The following OPA1 variants were observed in gnomAD, a reference collection of about 807,000 sequenced individuals.
OPA1 encodes the protein dynamin-like GTPase OPA1, mitochondrial.
Under a neutral mutation model 152.9 loss-of-function variants are expected in OPA1, and 59 were observed. The observed-to-expected ratio is 0.39, with a 90% CI of 0.31 to 0.48. The LOEUF (loss-of-function observed/expected upper bound fraction) is 0.48, where lower values mean the gene tolerates loss of function less well. Ranked by LOEUF, OPA1 falls within the 20% of genes least tolerant of loss-of-function variation. The pLI is 0.96. For synonymous variants in OPA1, 400 were observed against 389.9 expected, an observed-to-expected ratio of 1.03 and a Z score of -0.31; for missense variants, 1,008 against 1,216.8, an observed-to-expected ratio of 0.83 and a Z score of 2.55.
chr3:193,662,113 A>G (rs548898893), intron 25 of OPA1, among the ~76,000 whole-genome samples: 30 of 152,130 alleles, frequency 2.0e-4, no homozygotes, highest in Non-Finnish European at 4.0e-4. Flanking sequence ...TCTATCATAT[A>G]CAATTTTGAG....
At chr3:193,685,548 T>A (rs767663458) in intron 29 of OPA1, among the ~76,000 whole-genome samples, 11 of 152,194 alleles carry the variant, frequency 7.2e-5, no homozygotes, top group Non-Finnish European at 1.2e-4. Context: ...CAAGCAGTGC[T>A]ATGCTGGGCC....
chr3:193,696,121 A>G lies in OPA1; in HGVS notation c.*1521A>G, dbSNP rs1031048482. On this transcript the variant is annotated 3_prime_UTR_variant, in exon 31 of 31. Transcript: ENST00000361510. ...TATACACAGATTAGGAGATGACCTTACTGGGTACACCCCTCTAACCAGTGC... is the reference window on the plus strand; with the variant it reads ...TATACACAGATTAGGAGATGACCTTGCTGGGTACACCCCTCTAACCAGTGC... The G allele has an allele frequency of 1.3e-5, 2 of 152,238 alleles. No individual in the cohort carries two copies. The highest frequency in any genetic ancestry group is 4.8e-5 in the African/African-American group (2 of 41,460). 9.4% of individuals were successfully genotyped at this position (152,238 alleles called of 1,614,324 possible).
chr3:193,690,587 T>G (rs2109451666), intron 29 of OPA1, among the ~76,000 whole-genome samples: 1 of 152,246 alleles, frequency 6.6e-6, no homozygotes, highest in South Asian at 2.1e-4. Context: ...GTGGTAGGCT[T>G]TTTTGAGTTC....
chr3:193,690,659 T>C (rs1453756458), intron 29 of OPA1, among the ~76,000 whole-genome samples: 1 of 152,216 alleles, frequency 6.6e-6, no homozygotes, highest in Non-Finnish European at 1.5e-5. Context: ...TACTCATCAC[T>C]AATAGCTGCC....
intron 25 of OPA1, among the ~76,000 whole-genome samples, chr3:193,662,194 AGG>A (rs1280079527): frequency 3.3e-5 from 5 of 152,216 alleles, no homozygotes; most frequent in Non-Finnish European, 5.9e-5. Flanking sequence ...TAACTAGTGT[AGG>A]TAAGTTTTCC....
chr3:193,677,951 A>G (rs996610446), intron 29 of OPA1, among the ~76,000 whole-genome samples: 2 of 152,226 alleles, frequency 1.3e-5, no homozygotes, highest in African/African-American at 2.4e-5. Context: ...GTGAATTCTC[A>G]TATCCTGTAA....
intron 25 of OPA1, among the ~76,000 whole-genome samples, chr3:193,662,129 G>T (rs1287301721): frequency 1.3e-5 from 2 of 152,024 alleles, no homozygotes; most frequent in Admixed American, 6.6e-5. Context: ...TTGAGTGGAG[G>T]TTTGAAAAAT....
intron 1 of OPA1, among the ~76,000 whole-genome samples, chr3:193,596,356 C>CTTAA (rs1560301509): frequency 2.4e-4 from 33 of 135,202 alleles, no homozygotes; most frequent in African/African-American, 8.1e-4. Context: ...CTTTTCTTTT[C>CTTAA]TTTTCTTAAT....
At chr3:193,658,364 A>C (rs1250378128) in intron 23 of OPA1, among the ~76,000 whole-genome samples, 1 of 152,192 alleles carries the variant, frequency 6.6e-6, no homozygotes, top group Non-Finnish European at 1.5e-5. Flanking sequence ...AAAATTTGGA[A>C]GCCAATTTTC....
chr3:193,600,821 A>G (rs1351371927), intron 1 of OPA1, among the ~76,000 whole-genome samples: 2 of 152,240 alleles, frequency 1.3e-5, no homozygotes, highest in Non-Finnish European at 2.9e-5. Flanking sequence ...CTGCAAACCA[A>G]CTGTTAGTTG....
In OPA1 at chr3:193,664,896, A is replaced by G; in HGVS notation, c.2678A>G (p.His893Arg). ...TCATTTTAGATTAAGGATACTTGGCATCAAGTTTATAGAAGACATTTTTTA... is the reference window on the plus strand; with the variant it reads ...TCATTTTAGATTAAGGATACTTGGCGTCAAGTTTATAGAAGACATTTTTTA... ...VDPSLIKDTW[H>R]QVYRRHFLKT... The change falls in exon 27 of 31, where the codon CAT becomes CGT. Residue 893 changes from histidine (H) to arginine (R), a missense_variant. His to Arg is a conservative substitution (Grantham distance 29). Transcript: ENST00000361510. 6.3e-7 allele frequency: 1 copy of G among 1,584,062 alleles called. No homozygotes were observed. Among genetic ancestry groups the G allele is most frequent in the Non-Finnish European group, 8.7e-7 (1 of 1,153,258 alleles).
chr3:193,659,186 AC>A (rs2109189285), intron 24 of OPA1, among the ~76,000 whole-genome samples, 191 bp downstream of exon 24: 1 of 152,382 alleles, frequency 6.6e-6, no homozygotes, highest in South Asian at 2.1e-4. Flanking sequence ...TAAAATGGAC[AC>A]ATGATGCTTA....
At chr3:193,675,856 C>G (rs1718886321) in intron 29 of OPA1, among the ~76,000 whole-genome samples, 1 of 152,216 alleles carries the variant, frequency 6.6e-6, no homozygotes, top group South Asian at 2.1e-4. Flanking sequence ...TCTTGTAATA[C>G]AGACTGTTCA....
At chr3:193,639,938 A>G (rs1733506595) in intron 11 of OPA1, among the ~76,000 whole-genome samples, 1 of 152,122 alleles carries the variant, frequency 6.6e-6, no homozygotes, top group Non-Finnish European at 1.5e-5. Flanking sequence ...ATGGGGAGAG[A>G]GAGAGAGAGT....
At chr3:193,677,145 A>T (rs530722928) in intron 29 of OPA1, among the ~76,000 whole-genome samples, 2 of 152,146 alleles carry the variant, frequency 1.3e-5, no homozygotes, top group South Asian at 4.1e-4. Flanking sequence ...TAACTGATTA[A>T]GAATAAAGAC....
intron 4 of OPA1, among the ~76,000 whole-genome samples, 156 bp from the exon 5 acceptor site, chr3:193,617,628 T>G (rs1158357798): frequency 6.6e-6 from 1 of 152,242 alleles, no homozygotes; most frequent in Non-Finnish European, 1.5e-5. Flanking sequence ...TTAAGTATGA[T>G]AGACCATAAT....
intron 10 of OPA1, 72 bp from the exon 11 acceptor site, chr3:193,637,880 C>G: frequency 1.7e-6 from 2 of 1,190,814 alleles, no homozygotes; most frequent in Non-Finnish European, 2.5e-6. Context: ...CTCAGAGCAG[C>G]ATTACAAATA....
rs747946450 is a variant in OPA1 at position 193,657,142 on chromosome 3, G to A, written c.2241G>A (p.Glu747=). 1 of 1,613,936 alleles carries A rather than the reference G, an allele frequency of 6.2e-7. No homozygotes were observed. The highest frequency in any genetic ancestry group is 1.1e-5 in the South Asian group (1 of 91,060). ...SRFMTEPKGK[E]HDDIFDKLKE... The stretch of plus-strand genomic sequence containing the variant: ...TTATGACAGAACCGAAAGGGAAAGA[G>A]CATGATGACATATTTGATAAACTTA... The change falls in exon 23 of 31, where the codon GAG becomes GAA. Residue 747 remains glutamate (E), a synonymous_variant. Transcript: ENST00000361510.
intron 29 of OPA1, among the ~76,000 whole-genome samples, chr3:193,690,543 G>A (rs916044923): frequency 1.3e-5 from 2 of 151,930 alleles, no homozygotes; most frequent in Non-Finnish European, 2.9e-5. Flanking sequence ...ACTGGAAAAA[G>A]AATATGAAAA....
Sources: gnomAD v4.1 joint callset for allele counts (sites outside exome capture counted in the v4.1 genomes callset) on GRCh38, gnomAD v4.1.1 for gene constraint, MANE v1.5 for transcripts, NCBI Gene and HGNC (gene_info 2026-07-23, HGNC 2026-07-21) for gene names.